UBA6: variants seen among roughly 807,000 people sequenced by gnomAD.
UBA6 encodes ubiquitin-like modifier-activating enzyme 6.
UBA6 carries 87 observed loss-of-function variants against 148.3 expected under a neutral mutation model. The ratio of observed to expected loss-of-function variants is 0.59; its 90% CI spans 0.49 to 0.70. UBA6 has a LOEUF of 0.70. Ranked by LOEUF, UBA6 falls within the 30% of genes least tolerant of loss-of-function variation. The pLI is 0.00. For synonymous variants in UBA6, 376 were observed against 401.0 expected (o/e 0.94, Z 0.75); for missense variants, 1,186 against 1,241.2 (o/e 0.96, Z 0.67).
At chr4:67,645,478 A>G (rs1729400990) in intron 16 of UBA6, among the ~76,000 whole-genome samples, 1 of 152,142 alleles carries the variant, frequency 6.6e-6, no homozygotes. Flanking sequence ...ACGCCCCTGT[A>G]GTCCCAGCTA....
intron 19 of UBA6, among the ~76,000 whole-genome samples, chr4:67,637,618 TGA>T (rs1729194630): frequency 9.5e-5 from 3 of 31,464 alleles, no homozygotes; most frequent in Non-Finnish European, 3.2e-4. Context: ...GGGATGCTGT[TGA>T]TCTAATCTAT....
intron 13 of UBA6, among the ~76,000 whole-genome samples, chr4:67,656,479 G>A (rs986878675): frequency 1.3e-5 from 2 of 152,136 alleles, no homozygotes; most frequent in Non-Finnish European, 2.9e-5. Context: ...AAATTCAACA[G>A]CCTTTCATGC....
chr4:67,681,523 A>T, intron 4 of UBA6, 40 bp downstream of exon 4: 1 of 1,427,956 alleles, frequency 7.0e-7, no homozygotes, highest in Non-Finnish European at 9.6e-7. Flanking sequence ...CCAAAAAAAA[A>T]GGCTCATAAC....
chr4:67,633,357 A>G lies in UBA6; in HGVS notation c.2130T>C (p.Tyr710=), dbSNP rs148900646. 6 of 1,597,594 alleles carry G rather than the reference A, an allele frequency of 3.8e-6. No homozygotes were observed. Among genetic ancestry groups the G allele is most frequent in the Non-Finnish European group, 5.1e-6 (6 of 1,175,754 alleles). The change falls in exon 23 of 33, where the codon TAT becomes TAC. Residue 710 remains tyrosine (Y), a synonymous_variant. Coordinates refer to ENST00000322244, the MANE Select transcript of UBA6 (RefSeq NM_018227.6). ...VELARLKFEK[Y]FNHKALQLLH... ...AATGCATACTTACCTTATGGTTAAA[A>G]TATTTTTCAAACTTTAATCTTGCTA...
intron 32 of UBA6, among the ~76,000 whole-genome samples, chr4:67,622,098 G>C (rs964712347): frequency 3.9e-5 from 6 of 152,184 alleles, no homozygotes; most frequent in Admixed American, 3.9e-4. Context: ...AAATAAGGAG[G>C]CCAGTGTAGC....
intron 2 of UBA6, among the ~76,000 whole-genome samples, chr4:67,686,952 T>TAAAAAAAAA (rs546442640): frequency 8.7e-5 from 5 of 57,186 alleles, no homozygotes; most frequent in East Asian, 1.3e-3. Flanking sequence ...ATCCTGTCTC[T>TAAAAAAAAA]AAAAAAAAAA....
chr4:67,680,912 C>T (rs920734936), intron 4 of UBA6, among the ~76,000 whole-genome samples: 9 of 152,156 alleles, frequency 5.9e-5, no homozygotes, highest in Admixed American at 1.3e-4. Flanking sequence ...CTCAGTTTAA[C>T]AATACATGAA....
chr4:67,697,371 TAC>T (rs912138235), intron 1 of UBA6, among the ~76,000 whole-genome samples: 2 of 152,234 alleles, frequency 1.3e-5, no homozygotes, highest in East Asian at 1.9e-4. Context: ...TCTCTATATA[TAC>T]AGTCTTCCCA....
At chr4:67,644,925 TTTC>T in intron 16 of UBA6, 147 bp from the exon 17 acceptor site, 1 of 515,778 alleles carries the variant, frequency 1.9e-6, no homozygotes, top group Non-Finnish European at 3.5e-6. Context: ...AATTGTACAA[TTTC>T]TTTAAACAGA....
chr4:67,643,427 A>C (rs1729352994), intron 17 of UBA6, among the ~76,000 whole-genome samples: 2 of 151,942 alleles, frequency 1.3e-5, no homozygotes, highest in African/African-American at 2.4e-5. Context: ...ATTTGCTTTA[A>C]AGGCTGTAAG....
intron 1 of UBA6, 31 bp downstream of exon 1, chr4:67,701,018 C>T: frequency 6.2e-7 from 1 of 1,612,406 alleles, no homozygotes; most frequent in Non-Finnish European, 8.5e-7. Context: ...CCACCCGCGA[C>T]CCCTCACCTT....
chr4:67,636,504 G>A (rs1242561059), intron 19 of UBA6, among the ~76,000 whole-genome samples: 3 of 152,334 alleles, frequency 2.0e-5, no homozygotes, highest in East Asian at 1.9e-4. Context: ...TGATTCTCCT[G>A]CCTCAGCCTG....
intron 32 of UBA6, among the ~76,000 whole-genome samples, chr4:67,619,989 A>G (rs28497014): frequency 0.012 from 1,805 of 152,256 alleles, 41 homozygotes; most frequent in African/African-American, 0.04. Context: ...TAATTTTATC[A>G]TACACTGTGT....
intron 3 of UBA6, 76 bp from the exon 4 acceptor site, chr4:67,681,667 C>G: frequency 1.0e-6 from 1 of 962,110 alleles, no homozygotes; most frequent in Non-Finnish European, 1.6e-6. Flanking sequence ...AGCTTAGTCA[C>G]ATATCTGACT....
chr4:67,665,184 C>T lies in UBA6; in HGVS notation c.897+5G>A. The T allele has an allele frequency of 6.5e-7, 1 of 1,529,502 alleles. No homozygotes were observed. The allele number at this position is 1,529,502 out of a possible 1,614,324, so 94.7% of individuals were successfully genotyped here. A position where few individuals can be genotyped will look rare whatever the true frequency, so the allele number is the denominator to read the frequency against. On this transcript the variant is annotated splice_donor_5th_base_variant and intron_variant, in intron 10 of 32. Coordinates refer to ENST00000322244, the MANE Select transcript of UBA6 (RefSeq NM_018227.6). ...TGTTTTTTAAGCCGAAAAAAAAATA[C>T]TTACAAAAAAAACTGTTTTAGGAGT...
intron 19 of UBA6, 122 bp downstream of exon 19, chr4:67,638,821 G>A (rs1056123950): frequency 1.3e-5 from 8 of 631,664 alleles, no homozygotes; most frequent in Admixed American, 5.7e-5. Context: ...TGTGTTTGAG[G>A]AGTACTACAA....
intron 27 of UBA6, among the ~76,000 whole-genome samples, chr4:67,628,208 GCT>G (rs752469520): frequency 1.3e-5 from 2 of 151,384 alleles, no homozygotes; most frequent in East Asian, 1.9e-4. Context: ...TCTTTTCTTT[GCT>G]CTTACTTCCT....
intron 2 of UBA6, among the ~76,000 whole-genome samples, chr4:67,689,024 G>A (rs889540914): frequency 6.6e-6 from 1 of 152,000 alleles, no homozygotes; most frequent in South Asian, 2.1e-4. Context: ...CTCTACAATG[G>A]TGCAGAAGTG....
At chr4:67,651,410 C>T (rs1460982742) in intron 13 of UBA6, among the ~76,000 whole-genome samples, 1 of 152,086 alleles carries the variant, frequency 6.6e-6, no homozygotes, top group African/African-American at 2.4e-5. Context: ...TGAGATATAA[C>T]CTGGTAAAAC....
Sources: gnomAD v4.1 joint callset for allele counts (sites outside exome capture counted in the v4.1 genomes callset) on GRCh38, gnomAD v4.1.1 for gene constraint, MANE v1.5 for transcripts, NCBI Gene and HGNC (gene_info 2026-07-23, HGNC 2026-07-21) for gene names.